TFDP2: variants seen among roughly 807,000 people sequenced by gnomAD.
TFDP2 encodes transcription factor Dp-2 (E2F dimerization partner 2).
Under a neutral mutation model 59.3 loss-of-function variants are expected in TFDP2, and 17 were observed. The ratio of observed to expected loss-of-function variants is 0.29; its 90% CI spans 0.20 to 0.43. The LOEUF is 0.43. TFDP2 is among the 20% of genes least tolerant of loss of function. The pLI is 1.00. For synonymous variants in TFDP2, 180 were observed against 194.7 expected (o/e 0.92, Z 0.63); for missense variants, 391 against 528.8 (o/e 0.74, Z 2.56).
chr3:142,106,858 C>CCACA (rs2061489870), intron 1 of TFDP2, among the ~76,000 whole-genome samples: 1 of 152,212 alleles, frequency 6.6e-6, no homozygotes, highest in African/African-American at 2.4e-5. Context: ...GCAGCTCCAG[C>CCACA]CACAAAGCCT....
chr3:141,979,162 TTGCCTAGTGATG>T (rs1941149176), intron 6 of TFDP2, among the ~76,000 whole-genome samples: 1 of 152,210 alleles, frequency 6.6e-6, no homozygotes. Context: ...AAAATTCTCA[TTGCCTAGTGATG>T]TAACCATCGT....
chr3:142,088,731 C>G (rs1335423864), intron 3 of TFDP2, among the ~76,000 whole-genome samples: 1 of 151,512 alleles, frequency 6.6e-6, no homozygotes, highest in East Asian at 1.9e-4. Context: ...CCACCTCAGT[C>G]TCCCAGGGTG....
chr3:142,045,401 C>G (rs1947281914), intron 3 of TFDP2, among the ~76,000 whole-genome samples: 5 of 152,124 alleles, frequency 3.3e-5, no homozygotes, highest in Admixed American at 3.3e-4. Flanking sequence ...CTCAGGTGAT[C>G]CGCCCACCTT....
At chr3:142,094,370 T>C (rs1281254000) in intron 2 of TFDP2, among the ~76,000 whole-genome samples, 1 of 151,012 alleles carries the variant, frequency 6.6e-6, no homozygotes, top group Non-Finnish European at 1.5e-5. Context: ...AATGGCACCA[T>C]CTTGGCTCAC....
intron 9 of TFDP2, among the ~76,000 whole-genome samples, chr3:141,966,297 C>T (rs1938052452): frequency 6.6e-6 from 1 of 151,692 alleles, no homozygotes; most frequent in African/African-American, 2.4e-5. Flanking sequence ...TTCAGCCTCC[C>T]GAGTAGCCGG....
rs972046679 is a variant in TFDP2, at chr3:142,107,025, G to A, written c.-92-5184C>T. On this transcript the variant is annotated intron_variant, in intron 1 of 12. Coordinates refer to ENST00000489671, the MANE Select transcript of TFDP2 (RefSeq NM_001178139.2). ...AATAGGAAAGGTAGCATATTTAAATGGCAGATGTTACTAATTTTAAATACA... is the reference window on the plus strand; with the variant it reads ...AATAGGAAAGGTAGCATATTTAAATAGCAGATGTTACTAATTTTAAATACA... 2.0e-5 allele frequency among the ~76,000 whole-genome samples: 3 copies of A among 152,218 alleles called. No individual in the cohort carries two copies. The East Asian group carries it at 5.8e-4, about 29-fold the overall frequency.
intron 3 of TFDP2, among the ~76,000 whole-genome samples, chr3:142,033,496 C>T (rs1260657140): frequency 6.6e-6 from 1 of 151,990 alleles, no homozygotes; most frequent in Non-Finnish European, 1.5e-5. Flanking sequence ...CTTAGTGGGG[C>T]CCACAGAATT....
In TFDP2 at chr3:141,951,033, G is replaced by A. The variant is rs1576429629; in HGVS notation, c.*1480C>T. The A allele has an allele frequency of 6.6e-6, 1 of 152,190 alleles. No homozygotes were observed. Among genetic ancestry groups the A allele is most frequent in the Non-Finnish European group, 1.5e-5 (1 of 68,048 alleles). 9.4% of individuals were successfully genotyped at this position (152,190 alleles called of 1,614,324 possible). A position where few individuals can be genotyped will look rare whatever the true frequency, so the allele number is the denominator to read the frequency against. ...CCATGCTCAGTGTTAGCATGGTGGT[G>A]AGGCTATAAAGAGGCACCACAGGAA... On this transcript the variant is annotated 3_prime_UTR_variant, in exon 13 of 13. Coordinates refer to ENST00000489671, the MANE Select transcript of TFDP2 (RefSeq NM_001178139.2).
At chr3:142,084,648 A>G (rs1312809150) in intron 3 of TFDP2, among the ~76,000 whole-genome samples, 3 of 152,188 alleles carry the variant, frequency 2.0e-5, no homozygotes, top group African/African-American at 7.2e-5. Flanking sequence ...GGCCATTAAA[A>G]AAAATGAGAT....
At chr3:142,007,884 C>G (rs1944340786) in intron 3 of TFDP2, among the ~76,000 whole-genome samples, 1 of 152,152 alleles carries the variant, frequency 6.6e-6, no homozygotes, top group South Asian at 2.1e-4. Context: ...GCTGCAAATA[C>G]AGATGAAGCT....
At chr3:142,014,574 G>T (rs184560767) in intron 3 of TFDP2, among the ~76,000 whole-genome samples, 230 of 152,086 alleles carry the variant, frequency 1.5e-3, no homozygotes, top group Non-Finnish European at 2.5e-3. Context: ...AATGTAACTT[G>T]GGCGAGTTCA....
chr3:142,060,180 C>T (rs2059871404), intron 3 of TFDP2, among the ~76,000 whole-genome samples: 1 of 152,130 alleles, frequency 6.6e-6, no homozygotes, highest in Admixed American at 6.6e-5. Context: ...ATGAGGTTAT[C>T]TTGAGAGAAA....
intron 1 of TFDP2, among the ~76,000 whole-genome samples, chr3:142,108,663 A>C (rs1464648434): frequency 6.6e-6 from 1 of 152,160 alleles, no homozygotes; most frequent in Non-Finnish European, 1.5e-5. Context: ...GCCTCTACTG[A>C]CAGATATTTA....
At chr3:142,036,501 A>G (rs6440058) in intron 3 of TFDP2, among the ~76,000 whole-genome samples, 130,994 of 151,850 alleles carry the variant, frequency 0.86, 56,859 homozygotes, top group African/African-American at 0.97. Flanking sequence ...GTCACTTCCC[A>G]CAGTCTGCGA....
intron 3 of TFDP2, among the ~76,000 whole-genome samples, chr3:142,078,936 TA>T (rs1288028738): frequency 6.6e-6 from 1 of 152,088 alleles, no homozygotes; most frequent in East Asian, 1.9e-4. Context: ...TTCTATCAGA[TA>T]AATTTAACAG....
At chr3:142,111,539 C>CA (rs1560155731) in intron 1 of TFDP2, among the ~76,000 whole-genome samples, 2 of 149,938 alleles carry the variant, frequency 1.3e-5, no homozygotes, top group South Asian at 2.1e-4. Flanking sequence ...CTGAGCTCAC[C>CA]AAAAAAAGAA....
At chr3:142,001,108 CA>C (rs1162739996) in intron 4 of TFDP2, among the ~76,000 whole-genome samples, 7 of 152,206 alleles carry the variant, frequency 4.6e-5, no homozygotes, top group African/African-American at 1.7e-4. Context: ...TGAGGGTTCC[CA>C]ATGGTGGCCT....
intron 10 of TFDP2, among the ~76,000 whole-genome samples, chr3:141,961,539 G>A (rs1042948809): frequency 1.3e-5 from 2 of 152,000 alleles, no homozygotes; most frequent in South Asian, 2.1e-4. Flanking sequence ...CACCGTGCCC[G>A]GCCTGAATTC....
intron 3 of TFDP2, among the ~76,000 whole-genome samples, chr3:142,008,883 T>C (rs764738130): frequency 1.3e-5 from 2 of 152,130 alleles, no homozygotes; most frequent in Non-Finnish European, 2.9e-5. Context: ...CAGACAACAG[T>C]GTGAAATAGA....
Sources: allele counts gnomAD v4.1 joint callset (sites outside exome capture counted in the v4.1 genomes callset), GRCh38; gene constraint gnomAD v4.1.1; transcripts MANE v1.5; gene names NCBI Gene and HGNC (gene_info 2026-07-23, HGNC 2026-07-21).